Variants in ITSN1 observed in about 807,000 individuals in gnomAD.
ITSN1 encodes intersectin 1.
In ITSN1, 58 loss-of-function variants were observed where a neutral mutation model predicts 239.8. The ratio of observed to expected loss-of-function variants is 0.24; its 90% confidence interval spans 0.20 to 0.30. ITSN1 has a LOEUF of 0.30. ITSN1 is among the 10% of genes least tolerant of loss of function. ITSN1 has a pLI of 1.00. For missense variants in ITSN1, 1,558 were observed against 2,103.3 expected (o/e 0.74, Z 5.07); for synonymous variants, 780 against 770.8 (o/e 1.01, Z -0.20).
chr21:33,767,020 T>C (rs983418137), intron 10 of ITSN1, among the ~76,000 whole-genome samples: 1 of 151,810 alleles, frequency 6.6e-6, no homozygotes, highest in East Asian at 1.9e-4. Context: ...ATACAAAAAT[T>C]AGCCAGGCGT....
chr21:33,809,680 C>G (rs2072748810), intron 20 of ITSN1, among the ~76,000 whole-genome samples: 1 of 152,150 alleles, frequency 6.6e-6, no homozygotes. Flanking sequence ...TAAGAAGCAA[C>G]TTTAATTTCC....
At chr21:33,850,412 C>T (rs2075122274) in intron 29 of ITSN1, among the ~76,000 whole-genome samples, 1 of 152,206 alleles carries the variant, frequency 6.6e-6, no homozygotes, top group African/African-American at 2.4e-5. Flanking sequence ...TCTGTGCCCA[C>T]CGGCTTCTCC....
chr21:33,703,991 C>G (rs946666691), intron 1 of ITSN1, among the ~76,000 whole-genome samples: 1 of 152,158 alleles, frequency 6.6e-6, no homozygotes, highest in African/African-American at 2.4e-5. Flanking sequence ...GGCCAGGGAC[C>G]TCAGAGAGAA....
chr21:33,772,401 C>T (rs1043968349), intron 12 of ITSN1, 78 bp downstream of exon 12: 18 of 1,476,664 alleles, frequency 1.2e-5, no homozygotes, highest in Middle Eastern at 2.4e-4. Flanking sequence ...GATCTATTCA[C>T]GCCATCTTTG....
At chr21:33,729,400 A>G (rs2147189875) in intron 4 of ITSN1, among the ~76,000 whole-genome samples, 1 of 151,816 alleles carries the variant, frequency 6.6e-6, no homozygotes, top group Non-Finnish European at 1.5e-5. Context: ...TTGCGCTATG[A>G]TTGTGCCACT....
At chr21:33,800,864 G>C (rs2071943116) in intron 19 of ITSN1, among the ~76,000 whole-genome samples, 1 of 148,276 alleles carries the variant, frequency 6.7e-6, no homozygotes, top group Non-Finnish European at 1.5e-5. Flanking sequence ...GCCCAGGCTG[G>C]AGTGCAGTGG....
At chr21:33,778,023 A>G (rs1384752785) in intron 14 of ITSN1, among the ~76,000 whole-genome samples, 2 of 152,196 alleles carry the variant, frequency 1.3e-5, no homozygotes, top group African/African-American at 2.4e-5. Context: ...CCCCGCATCT[A>G]TTGAGATAAG....
intron 1 of ITSN1, among the ~76,000 whole-genome samples, chr21:33,712,386 C>T (rs1601784402): frequency 6.6e-6 from 1 of 152,178 alleles, no homozygotes; most frequent in Non-Finnish European, 1.5e-5. Flanking sequence ...TATAAATTCT[C>T]TATGCTGTCT....
intron 14 of ITSN1, among the ~76,000 whole-genome samples, chr21:33,779,368 G>A (rs1361167295): frequency 6.6e-6 from 1 of 151,614 alleles, no homozygotes; most frequent in Admixed American, 6.6e-5. Context: ...TTAATATGTT[G>A]CATTTTCATA....
At chr21:33,755,248 C>G (rs977314364) in intron 7 of ITSN1, 49 bp from the exon 8 acceptor site, 1 of 1,064,532 alleles carries the variant, frequency 9.4e-7, no homozygotes, top group Non-Finnish European at 1.4e-6. Flanking sequence ...CTTTACCAGG[C>G]TGTTCCTTAT....
intron 4 of ITSN1, among the ~76,000 whole-genome samples, chr21:33,731,653 C>T (rs2066192461): frequency 1.3e-5 from 2 of 152,078 alleles, no homozygotes; most frequent in African/African-American, 2.4e-5. Flanking sequence ...GGTTCAGAGT[C>T]GAAAAATTCT....
chr21:33,741,353 A>G (rs78631024), intron 5 of ITSN1, among the ~76,000 whole-genome samples: 1 of 152,220 alleles, frequency 6.6e-6, no homozygotes, highest in African/African-American at 2.4e-5. Flanking sequence ...TATAGTTATC[A>G]AATAATCTTA....
At chr21:33,662,144 CT>C (rs1281906350) in intron 1 of ITSN1, among the ~76,000 whole-genome samples, 8 of 152,146 alleles carry the variant, frequency 5.3e-5, no homozygotes, top group Non-Finnish European at 1.2e-4. Flanking sequence ...ATAGAATGTT[CT>C]TTTGTCACTT....
At chr21:33,875,565 C>T in intron 34 of ITSN1, 44 bp downstream of exon 34, 1 of 1,583,148 alleles carries the variant, frequency 6.3e-7, no homozygotes, top group Non-Finnish European at 8.6e-7. Context: ...CCGGCAGAGC[C>T]TCGCCTGCCA....
intron 31 of ITSN1, 34 bp downstream of exon 31, chr21:33,858,826 G>C: frequency 7.5e-7 from 1 of 1,330,832 alleles, no homozygotes; most frequent in African/African-American, 1.4e-5. Context: ...GCCTGGCTTG[G>C]CCTCCTCGGC....
intron 14 of ITSN1, among the ~76,000 whole-genome samples, chr21:33,777,183 A>G (rs988943602): frequency 1.3e-5 from 2 of 152,198 alleles, no homozygotes; most frequent in Non-Finnish European, 2.9e-5. Flanking sequence ...TTATATTTTT[A>G]CATACTGATA....
intron 39 of ITSN1, among the ~76,000 whole-genome samples, chr21:33,886,724 G>A (rs1985859460): frequency 6.6e-6 from 1 of 152,182 alleles, no homozygotes. Flanking sequence ...TCCAAAGCAG[G>A]TGACTGTGGA....
At position 33,826,835 on chromosome 21, in the gene ITSN1, G is replaced by C. The variant is rs1344192517; in HGVS notation, c.3201G>C (p.Gly1067=). 1.2e-6 allele frequency: 2 copies of C among 1,613,826 alleles called. No homozygotes were observed. Among genetic ancestry groups the C allele is most frequent in the African/African-American group, 2.7e-5 (2 of 74,902 alleles). Residue 1067 remains glycine, a synonymous_variant, in exon 26 of 40, where the codon GGG becomes GGC. Transcript: ENST00000381318. ...LKDSEGSGTA[G]KTGSLGKKPE... is the part of the protein sequence containing the mutation. Reference sequence around the variant, plus strand: ...GTTTTAAGGGCTCTGGAACTGCTGGGAAAACAGGGAGTTTAGGAAAAAAAC... The same window carrying C: ...GTTTTAAGGGCTCTGGAACTGCTGGCAAAACAGGGAGTTTAGGAAAAAAAC...
Position 33,797,779 on chromosome 21 carries a change from TG to T in ITSN1, c.2182+172del, listed in dbSNP as rs2071677681. On this transcript the variant is annotated intron_variant, in intron 18 of 39. Transcript: ENST00000381318. The surrounding 1 kb of genome is among the most constrained non-coding windows in gnomAD (Gnocchi z 4.9). ...TCTTTCCCCAGGGTCATTTGAGATC[TG>T]TGTAATTCTCCCACCACCATGCCAG... Among the ~76,000 whole-genome samples, 1 of 152,224 alleles carries T rather than the reference TG, an allele frequency of 6.6e-6. No homozygotes were observed. Among genetic ancestry groups the T allele is most frequent in the African/African-American group, 2.4e-5 (1 of 41,462 alleles).
Sources: allele counts gnomAD v4.1 joint callset (sites outside exome capture counted in the v4.1 genomes callset), GRCh38; gene constraint gnomAD v4.1.1; non-coding constraint Gnocchi (gnomAD v3.1); transcripts MANE v1.5; gene names NCBI Gene and HGNC (gene_info 2026-07-23, HGNC 2026-07-21).